Variants in SMARCC2 observed in about 807,000 individuals in gnomAD.
The protein encoded by SMARCC2 is SWI/SNF complex subunit SMARCC2.
SMARCC2 carries 15 observed loss-of-function variants against 151.3 expected under a neutral mutation model. The observed-to-expected ratio is 0.10, with a 90% CI of 0.07 to 0.15. The LOEUF is 0.15. Ranked by LOEUF, SMARCC2 falls within the 10% of genes least tolerant of loss-of-function variation. SMARCC2 has a pLI of 1.00. For missense variants in SMARCC2, 1,031 were observed against 1,599.7 expected, an observed-to-expected ratio of 0.64 and a Z score of 6.06; for synonymous variants, 590 against 609.5, an observed-to-expected ratio of 0.97 and a Z score of 0.47.
In SMARCC2 at chr12:56,172,614, T is replaced by C. The variant is rs1874166713; in HGVS notation, c.1834A>G (p.Met612Val). ...GAGGGAACATTCTTTTTTGTGTACATGTCTGTGCGCAGCCCAAAGTTTTGC... is the reference window on the plus strand; with the variant it reads ...GAGGGAACATTCTTTTTTGTGTACACGTCTGTGCGCAGCCCAAAGTTTTGC... ...DMQNFGLRTD[M>V]YTKKNVPSKS... is the part of the protein sequence containing the mutation. Residue 612 changes from methionine (M) to valine (V), a missense_variant, in exon 19 of 29, where the codon ATG becomes GTG. This residue lies in a region of SMARCC2 where 99 missense variants were observed against 148.3 expected (regional missense o/e 0.67). Coordinates refer to ENST00000550164, the MANE Select transcript of SMARCC2 (RefSeq NM_001330288.2). 1.9e-6 allele frequency: 3 copies of C among 1,614,232 alleles called. No individual in the cohort carries two copies. Among genetic ancestry groups the C allele is most frequent in the Non-Finnish European group, 2.5e-6 (3 of 1,180,036 alleles).
At chr12:56,170,323 C>A in intron 22 of SMARCC2, 115 bp from the exon 23 acceptor site, 1 of 880,686 alleles carries the variant, frequency 1.1e-6, no homozygotes, top group South Asian at 1.4e-5. Context: ...AGGTTGGTCT[C>A]AAACTCCTGG....
chr12:56,170,014 G>A lies in SMARCC2; in HGVS notation c.2413-103C>T, dbSNP rs1873609987. The A allele has an allele frequency of 4.9e-6, 7 of 1,437,002 alleles. No homozygotes were observed. The East Asian group carries it at 9.1e-5, about 19-fold the overall frequency. The allele number at this position is 1,437,002 out of a possible 1,614,324, so 89.0% of individuals were successfully genotyped here. A position where few individuals can be genotyped will look rare whatever the true frequency, so the allele number is the denominator to read the frequency against. On this transcript the variant is annotated intron_variant, in intron 23 of 28. Coordinates refer to ENST00000550164, the MANE Select transcript of SMARCC2 (RefSeq NM_001330288.2). Reference sequence around the variant, plus strand: ...AACTAAATTTATTCCTCTTACTTTGGAGGTGATCTGATTCTAGGAGACAAC... The same window carrying A: ...AACTAAATTTATTCCTCTTACTTTGAAGGTGATCTGATTCTAGGAGACAAC...
At chr12:56,180,413 T>C (rs529320616) in intron 11 of SMARCC2, among the ~76,000 whole-genome samples, 10 of 149,290 alleles carry the variant, frequency 6.7e-5, no homozygotes, top group Admixed American at 4.0e-4. Context: ...CCGGCCCTTT[T>C]TTTTTTTGAG....
In SMARCC2 at chr12:56,174,764, G is replaced by C; in HGVS notation, c.1383C>G (p.Ile461Met). 1.3e-6 allele frequency: 2 copies of C among 1,585,966 alleles called. No individual in the cohort carries two copies. Among genetic ancestry groups the C allele is most frequent in the Non-Finnish European group, 1.7e-6 (2 of 1,154,720 alleles). Residue 461 changes from isoleucine to methionine, a missense_variant and splice_region_variant, in exon 16 of 29, where the codon ATC becomes ATG. Transcript: ENST00000550164. Reference protein sequence around the residue: ...NGKNKSKTPEIYLAYRNFMID... With the variant: ...NGKNKSKTPEMYLAYRNFMID... ...TCATAAAGTTTCGATAGGCCAGGTA[G>C]CTTAGAAGAAAGAGAGAGAGAAACA... is the stretch of plus-strand genomic sequence containing the variant.
At chr12:56,170,057 C>T (rs1873619710) in intron 23 of SMARCC2, 87 bp downstream of exon 23, 3 of 1,448,820 alleles carry the variant, frequency 2.1e-6, no homozygotes, top group Non-Finnish European at 1.9e-6. Context: ...AAAACCAGCC[C>T]TTGCCCACCT....
At chr12:56,185,225 C>G in intron 3 of SMARCC2, 114 bp from the exon 4 acceptor site, 1 of 821,628 alleles carries the variant, frequency 1.2e-6, no homozygotes, top group Non-Finnish European at 2.1e-6. Flanking sequence ...GTCACCTAGG[C>G]TGGAGTGCAG....
chr12:56,169,694 G>T lies in SMARCC2; in HGVS notation c.2550C>A (p.Val850=). The change falls in exon 25 of 29, where the codon GTC becomes GTA. Residue 850 remains valine, a splice_region_variant and synonymous_variant. Coordinates refer to ENST00000550164, the MANE Select transcript of SMARCC2 (RefSeq NM_001330288.2). The stretch of plus-strand genomic sequence containing the variant: ...TTGGCTCCTTCTCCTTCTCAGGATC[G>T]ACTGGGCCAGGACAAGGGTTGAGTT... ...ESEKSDGDPI[V]DPEKEKEPKE... 1 of 1,613,954 alleles carries T rather than the reference G, an allele frequency of 6.2e-7. No homozygotes were observed. Among genetic ancestry groups the T allele is most frequent in the Non-Finnish European group, 8.5e-7 (1 of 1,179,998 alleles).
At chr12:56,184,297 A>G in intron 5 of SMARCC2, 53 bp from the exon 6 acceptor site, 1 of 1,344,056 alleles carries the variant, frequency 7.4e-7, no homozygotes, top group Non-Finnish European at 1.1e-6. Flanking sequence ...GAATTACTCA[A>G]GGTTTAGCCA....
At chr12:56,176,722 C>T (rs1875064569) in intron 15 of SMARCC2, among the ~76,000 whole-genome samples, 1 of 151,484 alleles carries the variant, frequency 6.6e-6, no homozygotes, top group South Asian at 2.1e-4. Flanking sequence ...CTCACTGCAA[C>T]CTCTGCCTCT....
chr12:56,173,560 G>GT, intron 17 of SMARCC2, 136 bp downstream of exon 17: 1 of 762,356 alleles, frequency 1.3e-6, no homozygotes, highest in Non-Finnish European at 2.2e-6. Flanking sequence ...GCTGATTCCC[G>GT]TGACCCTTTG....
intron 5 of SMARCC2, 75 bp downstream of exon 5, chr12:56,184,769 G>A (rs1020154474): frequency 1.1e-6 from 1 of 873,110 alleles, no homozygotes; most frequent in Non-Finnish European, 1.9e-6. Flanking sequence ...GTAATTCAGG[G>A]CTGCTGCTTG....
intron 12 of SMARCC2, 55 bp downstream of exon 12, chr12:56,178,942 G>A: frequency 6.2e-7 from 1 of 1,601,848 alleles, no homozygotes; most frequent in Non-Finnish European, 8.6e-7. Context: ...GGGGGCAGCT[G>A]AGCCCTCCCC....
rs150329061 is a variant in SMARCC2, at chr12:56,181,779, T to C, written c.765A>G (p.Glu255=). The C allele has an allele frequency of 5.6e-5, 91 of 1,614,054 alleles. No individual in the cohort carries two copies. The highest frequency in any genetic ancestry group is 7.5e-5 in the Non-Finnish European group (89 of 1,180,004). Residue 255 remains glutamate, a synonymous_variant, in exon 9 of 29, where the codon GAA becomes GAG. Coordinates refer to ENST00000550164, the MANE Select transcript of SMARCC2 (RefSeq NM_001330288.2). Reference sequence around the variant, plus strand: ...TTTTGTCATCATTTACTTCATAGTCTTCCTCATTCATCCATTCATTGAAGG... The same window carrying C: ...TTTTGTCATCATTTACTTCATAGTCCTCCTCATTCATCCATTCATTGAAGG... The part of the protein sequence containing the change: ...TDTFNEWMNE[E]DYEVNDDKNP...
intron 3 of SMARCC2, 61 bp downstream of exon 3, chr12:56,186,094 G>A (rs1201649386): frequency 2.6e-6 from 3 of 1,168,542 alleles, no homozygotes; most frequent in African/African-American, 3.0e-5. Flanking sequence ...AGATCCCAGG[G>A]AATCAAAAAG....
intron 3 of SMARCC2, 43 bp from the exon 4 acceptor site, chr12:56,185,154 C>T: frequency 6.6e-7 from 1 of 1,520,872 alleles, no homozygotes; most frequent in Non-Finnish European, 9.1e-7. Context: ...TAGCTCAGGT[C>T]TGCAGATGAG....
At chr12:56,168,835 C>A (rs1873351704) in intron 25 of SMARCC2, among the ~76,000 whole-genome samples, 1 of 151,704 alleles carries the variant, frequency 6.6e-6, no homozygotes, top group South Asian at 2.1e-4. Flanking sequence ...CAAAAATTAA[C>A]CGGGCATGCT....
At chr12:56,169,447 G>T in intron 25 of SMARCC2, 82 bp downstream of exon 25, 1 of 1,469,652 alleles carries the variant, frequency 6.8e-7, no homozygotes, top group South Asian at 1.2e-5. Flanking sequence ...TAAGGTGTGA[G>T]TGAGGAAAGA....
intron 26 of SMARCC2, among the ~76,000 whole-genome samples, chr12:56,167,739 C>T (rs1030374287): frequency 6.6e-6 from 1 of 152,072 alleles, no homozygotes; most frequent in African/African-American, 2.4e-5. Flanking sequence ...TGGAGCTGAC[C>T]TTCTGTGGGA....
At chr12:56,168,941 C>T (rs1447730607) in intron 25 of SMARCC2, among the ~76,000 whole-genome samples, 2 of 148,088 alleles carry the variant, frequency 1.4e-5, no homozygotes, top group East Asian at 2.1e-4. Context: ...GATTGTGCCA[C>T]TGCACTCCAG....
Sources: allele counts gnomAD v4.1 joint callset (sites outside exome capture counted in the v4.1 genomes callset), GRCh38; gene constraint gnomAD v4.1.1; regional missense constraint gnomAD v4.1.1; transcripts MANE v1.5; gene names NCBI Gene and HGNC (gene_info 2026-07-23, HGNC 2026-07-21).